The following PSMD1 variants were observed in gnomAD, a reference collection of about 807,000 sequenced individuals.
The protein encoded by PSMD1 is proteasome 26S subunit, non-ATPase 1.
A neutral mutation model predicts 119.0 loss-of-function variants in PSMD1; 18 were observed. The ratio of observed to expected loss-of-function variants is 0.15; its 90% CI spans 0.10 to 0.22. PSMD1 has a LOEUF of 0.22. PSMD1 is among the 10% of genes least tolerant of loss of function. The pLI is 1.00. For synonymous variants in PSMD1, 374 were observed against 396.6 expected, an observed-to-expected ratio of 0.94 and a Z score of 0.68; for missense variants, 702 against 1,158.5, an observed-to-expected ratio of 0.61 and a Z score of 5.72.
In PSMD1 at chr2:231,062,603, C is replaced by T. The variant is rs1360119177; in HGVS notation, c.232C>T (p.Leu78=). Residue 78 remains leucine, a synonymous_variant, in exon 4 of 25, where the codon CTG becomes TTG. Transcript: ENST00000308696. ...FYHLGAFEES[L]NYALGAGDLF... is the part of the protein sequence containing the mutation. ...TCACCTGGGGGCTTTTGAGGAGTCTCTGAATTATGCTCTTGGAGCAGGGGA... is the reference window on the plus strand; with the variant it reads ...TCACCTGGGGGCTTTTGAGGAGTCTTTGAATTATGCTCTTGGAGCAGGGGA... 1.2e-6 allele frequency: 2 copies of T among 1,613,590 alleles called. No individual in the cohort carries two copies. Among genetic ancestry groups the T allele is most frequent in the Non-Finnish European group, 1.7e-6 (2 of 1,179,882 alleles).
chr2:231,157,430 C>CTTTTTT (rs756874279), intron 19 of PSMD1, among the ~76,000 whole-genome samples: 8 of 128,796 alleles, frequency 6.2e-5, no homozygotes, highest in Admixed American at 2.3e-4. Context: ...TTTTCTTTTT[C>CTTTTTT]TTTTTTTTTT....
At chr2:231,064,270 G>C (rs1042936675) in intron 4 of PSMD1, among the ~76,000 whole-genome samples, 19 of 152,156 alleles carry the variant, frequency 1.2e-4, no homozygotes, top group African/African-American at 4.3e-4. Context: ...ATTTGGGTAA[G>C]GCTTCCTAGC....
At chr2:231,162,197 T>C (rs2125267628) in intron 20 of PSMD1, among the ~76,000 whole-genome samples, 1 of 152,358 alleles carries the variant, frequency 6.6e-6, no homozygotes, top group Middle Eastern at 3.4e-3. Flanking sequence ...AGGTCTTTCT[T>C]AGTCCTGTGA....
intron 23 of PSMD1, among the ~76,000 whole-genome samples, chr2:231,169,466 T>C (rs1696863357): frequency 6.6e-6 from 1 of 152,068 alleles, no homozygotes. Flanking sequence ...GAAAGCAAAC[T>C]TTTTAAGGGA....
At position 231,165,058 on chromosome 2, in the gene PSMD1, AT is replaced by A. The variant is rs1696741096; in HGVS notation, c.2482-141del. Reference sequence around the variant, plus strand: ...TTTATATATATATATATATATATATATATATATATATATATATATATATATA... The same window carrying A: ...TTTATATATATATATATATATATATAATATATATATATATATATATATATA... On this transcript the variant is annotated intron_variant, in intron 21 of 24. Coordinates refer to ENST00000308696, the MANE Select transcript of PSMD1 (RefSeq NM_002807.4). 7.3e-4 allele frequency: 20 copies of A among 27,474 alleles called. 1 individual carries two copies. Among genetic ancestry groups the A allele is most frequent in the African/African-American group, 2.1e-3 (5 of 2,364 alleles). The allele number at this position is 27,474 out of a possible 1,614,324, so 1.7% of individuals were successfully genotyped here. A position where few individuals can be genotyped will look rare whatever the true frequency, so the allele number is the denominator to read the frequency against.
chr2:231,083,132 C>G, intron 13 of PSMD1, 138 bp downstream of exon 13: 1 of 716,898 alleles, frequency 1.4e-6, no homozygotes, highest in South Asian at 2.0e-5. Context: ...AATTTTGCTC[C>G]ATTTGTCAAA....
chr2:231,166,446 A>G (rs758558288), intron 23 of PSMD1, among the ~76,000 whole-genome samples: 11 of 152,036 alleles, frequency 7.2e-5, no homozygotes, highest in Non-Finnish European at 1.2e-4. Context: ...TTGAACAAGC[A>G]CTGAGAACAA....
At position 231,080,158 on chromosome 2, in the gene PSMD1, A is replaced by G; in HGVS notation, c.1257A>G (p.Ala419=). Residue 419 remains alanine, a synonymous_variant, in exon 12 of 25, where the codon GCA becomes GCG. Coordinates refer to ENST00000308696, the MANE Select transcript of PSMD1 (RefSeq NM_002807.4). ...GVIHKGHEKE[A]LQLMATYLPK... is the part of the protein sequence containing the mutation. ...CTTTACAGGGTCATGAAAAAGAAGC[A>G]TTACAGTTAATGGCAACATACCTTC... The G allele has an allele frequency of 1.2e-6, 2 of 1,611,692 alleles. No individual in the cohort carries two copies. The highest frequency in any genetic ancestry group is 1.3e-5 in the African/African-American group (1 of 74,960).
chr2:231,153,466 A>C, intron 18 of PSMD1, 98 bp from the exon 19 acceptor site: 2 of 891,882 alleles, frequency 2.2e-6, no homozygotes, highest in Non-Finnish European at 3.6e-6. Flanking sequence ...CGAAACTCAG[A>C]ACTAACTCAT....
chr2:231,120,609 T>C (rs1224160657), intron 16 of PSMD1, among the ~76,000 whole-genome samples: 1 of 152,244 alleles, frequency 6.6e-6, no homozygotes, highest in Non-Finnish European at 1.5e-5. Context: ...TTAAATATTA[T>C]ACAGATCAGT....
chr2:231,134,087 G>A (rs1695915513), intron 16 of PSMD1, among the ~76,000 whole-genome samples: 1 of 152,100 alleles, frequency 6.6e-6, no homozygotes. Context: ...ATTAAAAATT[G>A]AATTACATAC....
At position 231,161,247 on chromosome 2, in the gene PSMD1, AAAAAAG is replaced by A; in HGVS notation, c.2219-89_2219-84del. Reference sequence around the variant, plus strand: ...TGAGACCCTATCTCTTTAAAAAAAAAAAAAAGAAAGAAAGAAAGATATCGTTATTAT... The same window carrying A: ...TGAGACCCTATCTCTTTAAAAAAAAAAAAGAAAGAAAGATATCGTTATTAT... On this transcript the variant is annotated intron_variant, in intron 19 of 24. Transcript: ENST00000308696. The A allele has an allele frequency of 3.8e-6, 5 of 1,299,670 alleles. No homozygotes were observed. The African/African-American group carries it at 6.0e-5, about 16-fold the overall frequency. 80.5% of individuals were successfully genotyped at this position (1,299,670 alleles called of 1,614,324 possible).
chr2:231,123,734 G>C, intron 16 of PSMD1: 1 of 1,613,966 alleles, frequency 6.2e-7, no homozygotes, highest in Non-Finnish European at 8.5e-7. Flanking sequence ...ATTGTGCTTT[G>C]AAGTTCAGAC....
In PSMD1 at chr2:231,069,997, C is replaced by T. The variant is rs141399139; in HGVS notation, c.511-28C>T. ...ATATAATGCTGCAATAACCAGATAA[C>T]GTTATATCTTTAAACTATCTCTTTC... On this transcript the variant is annotated intron_variant, in intron 5 of 24. Coordinates refer to ENST00000308696, the MANE Select transcript of PSMD1 (RefSeq NM_002807.4). 309 of 1,359,692 alleles carry T rather than the reference C, an allele frequency of 2.3e-4. 2 individuals are homozygous for T. The African/African-American group carries it at 3.8e-3, about 17-fold the overall frequency. The allele number at this position is 1,359,692 out of a possible 1,614,324, so 84.2% of individuals were successfully genotyped here. A position where few individuals can be genotyped will look rare whatever the true frequency, so the allele number is the denominator to read the frequency against.
intron 16 of PSMD1, among the ~76,000 whole-genome samples, chr2:231,122,503 A>G (rs768707953): frequency 6.6e-6 from 1 of 152,172 alleles, no homozygotes; most frequent in African/African-American, 2.4e-5. Context: ...TAGGCAGTTT[A>G]TGAATGGAAT....
At chr2:231,171,204 A>G (rs1696902972) in intron 24 of PSMD1, among the ~76,000 whole-genome samples, 1 of 152,066 alleles carries the variant, frequency 6.6e-6, no homozygotes, top group Admixed American at 6.6e-5. Flanking sequence ...CTCTCTCCCC[A>G]TCTCCTTCGA....
rs1284318482 is a variant in PSMD1, at chr2:231,160,679, G to A, written c.2219-661G>A. Reference sequence around the variant, plus strand: ...AACACATGAAAAGCCAATATATAATGCAGATTAATACTTAATTTAGCATCA... The same window carrying A: ...AACACATGAAAAGCCAATATATAATACAGATTAATACTTAATTTAGCATCA... On this transcript the variant is annotated intron_variant, in intron 19 of 24. Coordinates refer to ENST00000308696, the MANE Select transcript of PSMD1 (RefSeq NM_002807.4). 4.6e-5 allele frequency among the ~76,000 whole-genome samples: 7 copies of A among 152,134 alleles called. 1 individual carries two copies. The highest frequency in any genetic ancestry group is 1.7e-4 in the African/African-American group (7 of 41,402).
intron 16 of PSMD1, among the ~76,000 whole-genome samples, chr2:231,134,258 A>G (rs1695919729): frequency 6.6e-6 from 1 of 152,136 alleles, no homozygotes; most frequent in African/African-American, 2.4e-5. Flanking sequence ...ACATTCCCTC[A>G]TGTTACATTT....
chr2:231,095,873 G>A (rs937082212), intron 16 of PSMD1, among the ~76,000 whole-genome samples: 1 of 152,206 alleles, frequency 6.6e-6, no homozygotes, highest in African/African-American at 2.4e-5. Flanking sequence ...ACGAAAATGG[G>A]TGAATTCCGA....
Sources: gnomAD v4.1 joint callset for allele counts (sites outside exome capture counted in the v4.1 genomes callset) on GRCh38, gnomAD v4.1.1 for gene constraint, MANE v1.5 for transcripts, NCBI Gene and HGNC (gene_info 2026-07-23, HGNC 2026-07-21) for gene names.